The following RBPMS2 variants were observed in gnomAD, a reference collection of about 807,000 sequenced individuals.
The protein encoded by RBPMS2 is RNA-binding protein with multiple splicing 2.
RBPMS2 carries 14 observed loss-of-function variants against 25.7 expected under a neutral mutation model. The ratio of observed to expected loss-of-function variants is 0.55; its 90% CI spans 0.36 to 0.85. The LOEUF is 0.85. RBPMS2 is among the 40% of genes least tolerant of loss of function. The probability of loss-of-function intolerance (pLI) is 0.01; values close to 1 mark genes in which losing one functional copy is unlikely to be tolerated. For missense variants in RBPMS2, 252 were observed against 283.4 expected (o/e 0.89, Z 0.80); for synonymous variants, 127 against 115.6 (o/e 1.10, Z -0.63).
At chr15:64,742,106 A>G (rs1053590176) in intron 6 of RBPMS2, among the ~76,000 whole-genome samples, 3 of 152,180 alleles carry the variant, frequency 2.0e-5, no homozygotes, top group African/African-American at 7.2e-5. Flanking sequence ...CGGAGGTTGC[A>G]GTGAGTTGAG....
chr15:64,741,074 G>A (rs768766664), intron 7 of RBPMS2, 74 bp from the exon 8 acceptor site: 20 of 909,362 alleles, frequency 2.2e-5, no homozygotes, highest in East Asian at 5.3e-5. Flanking sequence ...CTCTGGGCTC[G>A]GCTAAGCTCT....
intron 6 of RBPMS2, among the ~76,000 whole-genome samples, chr15:64,743,025 C>A (rs745330012): frequency 2.0e-5 from 3 of 152,224 alleles, no homozygotes. Context: ...GAGGGACACA[C>A]GAGGAAACGA....
At chr15:64,754,115 A>C (rs960251350) in intron 1 of RBPMS2, among the ~76,000 whole-genome samples, 3 of 152,154 alleles carry the variant, frequency 2.0e-5, no homozygotes, top group African/African-American at 7.2e-5. Flanking sequence ...GTTTGAGACC[A>C]GCCTGGCCGA....
At position 64,741,232 on chromosome 15, in the gene RBPMS2, T is replaced by A. The variant is rs1180225015; in HGVS notation, c.578A>T (p.Tyr193Phe). 4 of 1,590,726 alleles carry A rather than the reference T, an allele frequency of 2.5e-6. No individual in the cohort carries two copies. In the Admixed American group the frequency reaches 7.1e-5, roughly 28 times the overall value. The change falls in exon 7 of 8, where the codon TAC (tyrosine) becomes TTC (phenylalanine). Residue 193 changes from tyrosine (Y) to phenylalanine (F), a missense_variant. Transcript: ENST00000300069. ...AAALHAQVRW[Y>F]PSSDTTQQGW... ...TTGCTGGGTGGTGTCAGAGGAAGGG[T>A]ACCAGCGCACCTGCAAGAGAAGCCA...
intron 1 of RBPMS2, among the ~76,000 whole-genome samples, chr15:64,769,585 A>T (rs1440920822): frequency 6.6e-6 from 1 of 151,170 alleles, no homozygotes; most frequent in Non-Finnish European, 1.5e-5. Context: ...GCGTGAACCC[A>T]GGAGGCAGAG....
chr15:64,758,536 T>A (rs1179217350), intron 1 of RBPMS2, among the ~76,000 whole-genome samples: 1 of 152,180 alleles, frequency 6.6e-6, no homozygotes, highest in African/African-American at 2.4e-5. Flanking sequence ...TGTGTACCCA[T>A]ACAGAATACC....
chr15:64,742,710 C>G (rs943621043), intron 6 of RBPMS2, among the ~76,000 whole-genome samples: 1 of 152,148 alleles, frequency 6.6e-6, no homozygotes, highest in Non-Finnish European at 1.5e-5. Context: ...CTGGAGTCCC[C>G]TCAGGAAGGG....
intron 6 of RBPMS2, among the ~76,000 whole-genome samples, chr15:64,746,907 A>G (rs1046063341): frequency 1.3e-5 from 2 of 152,204 alleles, no homozygotes; most frequent in Non-Finnish European, 2.9e-5. Context: ...GATTCCTTCC[A>G]GTGCCTCCCA....
Position 64,751,528 on chromosome 15 carries a change from C to CTA in RBPMS2, c.165+32_165+33insTA, listed in dbSNP as rs1221262360. ...CCCGCTGCTTCTCCAGGGTCCCAGG[C>CTA]TCTACCCAGGGGGCGGCTGGGTCCT... On this transcript the variant is annotated intron_variant, in intron 2 of 7. Coordinates refer to ENST00000300069, the MANE Select transcript of RBPMS2 (RefSeq NM_194272.3). 5.6e-6 allele frequency: 9 copies of CTA among 1,594,864 alleles called. No homozygotes were observed. The African/African-American group carries it at 9.4e-5, about 17-fold the overall frequency.
At chr15:64,747,422 G>A (rs1195350450) in intron 6 of RBPMS2, among the ~76,000 whole-genome samples, 2 of 152,028 alleles carry the variant, frequency 1.3e-5, no homozygotes, top group African/African-American at 4.8e-5. Flanking sequence ...CTGCTCCCCA[G>A]CCAGGTCCCA....
At chr15:64,761,629 C>T (rs140063546) in intron 1 of RBPMS2, among the ~76,000 whole-genome samples, 55 of 151,534 alleles carry the variant, frequency 3.6e-4, no homozygotes, top group African/African-American at 1.3e-3. Flanking sequence ...GCCTCCTGGA[C>T]TCAAGCGATC....
chr15:64,744,490 G>A (rs1277398519), intron 6 of RBPMS2, among the ~76,000 whole-genome samples: 10 of 151,350 alleles, frequency 6.6e-5, no homozygotes, highest in South Asian at 2.1e-4. Context: ...CCTGGGAGGC[G>A]GAGGTTGAGG....
chr15:64,761,595 GTGGCGCAAACA>G (rs2141071354), intron 1 of RBPMS2, among the ~76,000 whole-genome samples: 1 of 152,038 alleles, frequency 6.6e-6, no homozygotes, highest in East Asian at 1.9e-4. Flanking sequence ...CTGGAGTGCA[GTGGCGCAAACA>G]TGGCTCACTG....
intron 6 of RBPMS2, among the ~76,000 whole-genome samples, chr15:64,747,919 C>T (rs1285941404): frequency 2.0e-5 from 3 of 152,214 alleles, no homozygotes; most frequent in Non-Finnish European, 4.4e-5. Flanking sequence ...CATCCTAGCA[C>T]TCAGTAGTCA....
intron 1 of RBPMS2, chr15:64,761,300 C>G (rs1287408311): frequency 6.6e-6 from 1 of 152,208 alleles, no homozygotes; most frequent in Non-Finnish European, 1.5e-5. Context: ...CCACATCCTT[C>G]CCCAACTCCC....
intron 1 of RBPMS2, among the ~76,000 whole-genome samples, chr15:64,774,732 A>AGCCGGCCGGCCAGCCG (rs146916271): frequency 5.4e-5 from 8 of 147,068 alleles, no homozygotes; most frequent in Non-Finnish European, 7.5e-5. Flanking sequence ...GGAACCGAGG[A>AGCCGGCCGGCCAGCCG]GCCGGCCGGC....
chr15:64,769,862 A>G (rs2083879759), intron 1 of RBPMS2, among the ~76,000 whole-genome samples: 1 of 152,040 alleles, frequency 6.6e-6, no homozygotes, highest in African/African-American at 2.4e-5. Flanking sequence ...GGCATCACCC[A>G]AAACTCAGCC....
At chr15:64,766,268 ACCACAC>A (rs1350186183) in intron 1 of RBPMS2, among the ~76,000 whole-genome samples, 7 of 152,028 alleles carry the variant, frequency 4.6e-5, no homozygotes, top group African/African-American at 1.7e-4. Context: ...AAACGCTCCC[ACCACAC>A]CCAGGCCCTG....
chr15:64,748,382 C>T, intron 6 of RBPMS2, 37 bp downstream of exon 6: 2 of 1,604,658 alleles, frequency 1.2e-6, no homozygotes, highest in Non-Finnish European at 8.5e-7. Context: ...AGCTAAGAGC[C>T]CTTGTTCTTC....
Sources: gnomAD v4.1 joint callset for allele counts (sites outside exome capture counted in the v4.1 genomes callset) on GRCh38, gnomAD v4.1.1 for gene constraint, MANE v1.5 for transcripts, NCBI Gene and HGNC (gene_info 2026-07-23, HGNC 2026-07-21) for gene names.